Variants in RANBP17 observed in about 807,000 individuals in gnomAD.
RANBP17 encodes ran-binding protein 17.
Under a neutral mutation model 141.2 loss-of-function variants are expected in RANBP17, and 158 were observed. The observed-to-expected ratio is 1.12, with a 90% CI of 0.98 to 1.28. The LOEUF (loss-of-function observed/expected upper bound fraction) is 1.28. RANBP17 is among the 50% of genes most tolerant of loss of function. RANBP17 has a pLI of 0.00. For synonymous variants in RANBP17, 430 were observed against 450.0 expected (o/e 0.96, Z 0.56); for missense variants, 1,438 against 1,290.7 (o/e 1.11, Z -1.75).
At chr5:171,185,343 C>T (rs766394040) in intron 18 of RANBP17, among the ~76,000 whole-genome samples, 1 of 152,078 alleles carries the variant, frequency 6.6e-6, no homozygotes, top group Non-Finnish European at 1.5e-5. Context: ...TAAAAGAAGA[C>T]GACAATGAAA....
intron 4 of RANBP17, among the ~76,000 whole-genome samples, chr5:170,894,117 G>A (rs969807636): frequency 1.3e-5 from 2 of 152,156 alleles, no homozygotes; most frequent in Admixed American, 1.3e-4. Flanking sequence ...GAGGAGATCA[G>A]TTTATACTAG....
At chr5:170,995,787 A>G (rs1057133369) in intron 14 of RANBP17, among the ~76,000 whole-genome samples, 5 of 152,132 alleles carry the variant, frequency 3.3e-5, no homozygotes, top group Admixed American at 6.6e-5. Context: ...ATAATCTTAC[A>G]TTTAAAAGGG....
intron 25 of RANBP17, among the ~76,000 whole-genome samples, chr5:171,268,195 A>G (rs1032707568): frequency 7.9e-5 from 12 of 152,240 alleles, no homozygotes; most frequent in African/African-American, 2.9e-4. Flanking sequence ...TGGGACAAAG[A>G]GACAAGTAAC....
At chr5:170,933,154 C>T (rs140582676) in intron 12 of RANBP17, among the ~76,000 whole-genome samples, 91,174 of 151,788 alleles carry the variant, frequency 0.6, 29,119 homozygotes, top group South Asian at 0.88. Context: ...GTGTATGTGT[C>T]CAGGAATTTA....
At chr5:171,068,822 G>C (rs1784463900) in intron 14 of RANBP17, among the ~76,000 whole-genome samples, 1 of 152,122 alleles carries the variant, frequency 6.6e-6, no homozygotes, top group Non-Finnish European at 1.5e-5. Flanking sequence ...TTGACCTCAA[G>C]TGATCTACTC....
chr5:170,983,220 C>A (rs1581312214), intron 14 of RANBP17: 3 of 386,898 alleles, frequency 7.8e-6, no homozygotes, highest in East Asian at 9.5e-5. Flanking sequence ...TTGAGAGCAA[C>A]CAGTTCAAAC....
intron 2 of RANBP17, among the ~76,000 whole-genome samples, chr5:170,879,982 A>C (rs1454824748): frequency 6.6e-6 from 1 of 152,212 alleles, no homozygotes; most frequent in Non-Finnish European, 1.5e-5. Flanking sequence ...AATATGGTGA[A>C]TAACCATAGA....
At chr5:171,017,355 T>C (rs1481483556) in intron 14 of RANBP17, among the ~76,000 whole-genome samples, 2 of 152,172 alleles carry the variant, frequency 1.3e-5, no homozygotes. Flanking sequence ...GTTAAACTCA[T>C]TTACATTCCC....
chr5:171,266,371 A>G (rs1234701449), intron 25 of RANBP17, among the ~76,000 whole-genome samples: 1 of 152,198 alleles, frequency 6.6e-6, no homozygotes, highest in South Asian at 2.1e-4. Context: ...CATCTAACTA[A>G]TAAGTAATAA....
chr5:171,240,753 A>G (rs1410864350), intron 22 of RANBP17, among the ~76,000 whole-genome samples, 175 bp from the exon 23 acceptor site: 1 of 152,198 alleles, frequency 6.6e-6, no homozygotes, highest in African/African-American at 2.4e-5. Context: ...TTGTACTTCC[A>G]GGTAAACTGC....
At chr5:171,009,682 G>GC in intron 14 of RANBP17, among the ~76,000 whole-genome samples, 1 of 96,512 alleles carries the variant, frequency 1.0e-5, no homozygotes, top group Non-Finnish European at 2.8e-5. Context: ...TTTGAATCAG[G>GC]ACCTCAGAAT....
intron 20 of RANBP17, among the ~76,000 whole-genome samples, chr5:171,210,205 G>A (rs535686123): frequency 1.3e-5 from 2 of 152,070 alleles, no homozygotes; most frequent in Non-Finnish European, 2.9e-5. Context: ...CAAGGCCATT[G>A]GAAAATTAAA....
chr5:171,247,007 T>C (rs572691860), intron 24 of RANBP17, among the ~76,000 whole-genome samples: 2 of 152,352 alleles, frequency 1.3e-5, no homozygotes, highest in South Asian at 2.1e-4. Flanking sequence ...CCTAGCATTA[T>C]AGTAAGTGTT....
At chr5:171,052,562 A>G (rs775342755) in intron 14 of RANBP17, among the ~76,000 whole-genome samples, 3 of 152,196 alleles carry the variant, frequency 2.0e-5, no homozygotes, top group East Asian at 3.9e-4. Context: ...TGGATTCTCA[A>G]TTTTGTTCCT....
chr5:171,218,576 G>A (rs893828216), intron 21 of RANBP17, among the ~76,000 whole-genome samples: 2 of 151,938 alleles, frequency 1.3e-5, no homozygotes, highest in African/African-American at 4.8e-5. Flanking sequence ...AGGTGCTCCT[G>A]TATTGGGTGC....
At chr5:171,032,052 T>G (rs1781581033) in intron 14 of RANBP17, among the ~76,000 whole-genome samples, 1 of 152,136 alleles carries the variant, frequency 6.6e-6, no homozygotes, top group Non-Finnish European at 1.5e-5. Flanking sequence ...AGTGATTTAC[T>G]TTCAGTTCTG....
At chr5:170,877,521 G>A (rs941352686) in intron 1 of RANBP17, among the ~76,000 whole-genome samples, 4 of 152,100 alleles carry the variant, frequency 2.6e-5, no homozygotes, top group South Asian at 2.1e-4. Flanking sequence ...CTTGGCCTCT[G>A]ACAGTGCTGG....
At chr5:171,166,488 A>C (rs903699153) in intron 14 of RANBP17, among the ~76,000 whole-genome samples, 3 of 151,394 alleles carry the variant, frequency 2.0e-5, no homozygotes, top group Non-Finnish European at 4.4e-5. Context: ...TAAAATAGAT[A>C]CTGCAATATG....
intron 18 of RANBP17, among the ~76,000 whole-genome samples, chr5:171,187,576 T>C (rs1761348732): frequency 6.6e-6 from 1 of 152,232 alleles, no homozygotes; most frequent in South Asian, 2.1e-4. Flanking sequence ...TTAAAAATGC[T>C]AAATGTCGAC....
Sources: allele counts gnomAD v4.1 joint callset (sites outside exome capture counted in the v4.1 genomes callset), GRCh38; gene constraint gnomAD v4.1.1; transcripts MANE v1.5; gene names NCBI Gene and HGNC (gene_info 2026-07-23, HGNC 2026-07-21).